Variants in IPO4 observed in about 807,000 individuals in gnomAD.
IPO4 encodes importin-4.
IPO4 carries 91 observed loss-of-function variants against 133.5 expected under a neutral mutation model. That is an observed-to-expected ratio of 0.68 (90% confidence interval 0.58 to 0.81). The LOEUF (loss-of-function observed/expected upper bound fraction) is 0.81. Ranked by LOEUF, IPO4 falls within the 30% of genes least tolerant of loss-of-function variation. IPO4 has a pLI of 0.00. For synonymous variants in IPO4, 607 were observed against 581.6 expected (o/e 1.04, Z -0.63); for missense variants, 1,279 against 1,386.2 (o/e 0.92, Z 1.23).
intron 11 of IPO4, 21 bp from the exon 12 acceptor site, chr14:24,185,991 C>T (rs143210192): frequency 1.2e-6 from 2 of 1,609,222 alleles, no homozygotes; most frequent in African/African-American, 2.7e-5. Flanking sequence ...ATGTGGCACG[C>T]TTCTGAAACC....
At chr14:24,181,466 A>T in intron 28 of IPO4, 47 bp downstream of exon 28, 1 of 1,469,140 alleles carries the variant, frequency 6.8e-7, no homozygotes, top group South Asian at 1.2e-5. Context: ...CCTATCACTG[A>T]GTGGAGCGGC....
intron 28 of IPO4, 115 bp downstream of exon 28, chr14:24,181,398 A>T: frequency 1.3e-6 from 1 of 764,324 alleles, no homozygotes; most frequent in Non-Finnish European, 2.2e-6. Flanking sequence ...TGAAACTGTC[A>T]CCTTGCATCA....
intron 7 of IPO4, 23 bp from the exon 8 acceptor site, chr14:24,187,002 G>C (rs763403385): frequency 1.9e-6 from 3 of 1,613,110 alleles, no homozygotes; most frequent in Non-Finnish European, 2.5e-6. Context: ...CAAGGCACAA[G>C]GTTACCATGC....
intron 17 of IPO4, 70 bp downstream of exon 17, chr14:24,184,228 T>TTCCAGTGGG: frequency 1.9e-6 from 3 of 1,558,320 alleles, no homozygotes; most frequent in Non-Finnish European, 2.6e-6. Context: ...GGGGTGGGGA[T>TTCCAGTGGG]TCCAGTGGGT....
Position 24,182,853 on chromosome 14 carries a change from T to C in IPO4, c.2422-11A>G, listed in dbSNP as rs200962720. On this transcript the variant is annotated splice_polypyrimidine_tract_variant and intron_variant, in intron 23 of 29. Transcript: ENST00000354464. ...ATCCTGACAGGCTGTCTACAAGAAG[T>C]AGCTCAACTTAGCGGAGCTTTCACG... 4.5e-5 allele frequency: 73 copies of C among 1,614,040 alleles called. 1 individual carries two copies. In the African/African-American group the frequency reaches 5.5e-4, roughly 12 times the overall value.
intron 28 of IPO4, among the ~76,000 whole-genome samples, chr14:24,181,073 C>T (rs535616108): frequency 5.3e-5 from 8 of 152,338 alleles, no homozygotes; most frequent in African/African-American, 1.9e-4. Flanking sequence ...GACACAAACA[C>T]TCTGACATGA....
Position 24,187,351 on chromosome 14 carries a change from T to C in IPO4, c.588+49A>G, listed in dbSNP as rs762033062. 1.4e-5 allele frequency: 22 copies of C among 1,596,094 alleles called. No homozygotes were observed. The South Asian group carries it at 1.8e-4, about 13-fold the overall frequency. On this transcript the variant is annotated intron_variant, in intron 6 of 29. Coordinates refer to ENST00000354464, the MANE Select transcript of IPO4 (RefSeq NM_024658.4). ...TTTGTAACTTTTACGGGTGAGGACATGAAGGCATGAGGAAAGGGAGTCAAA... is the reference window on the plus strand; with the variant it reads ...TTTGTAACTTTTACGGGTGAGGACACGAAGGCATGAGGAAAGGGAGTCAAA...
chr14:24,180,919 T>TGAA (rs1307301889), intron 28 of IPO4, among the ~76,000 whole-genome samples, 161 bp from the exon 29 acceptor site: 1 of 152,100 alleles, frequency 6.6e-6, no homozygotes, highest in East Asian at 1.9e-4. Flanking sequence ...GAAGAACCAA[T>TGAA]GAAACTTGGT....
At position 24,188,546 on chromosome 14, in the gene IPO4, T is replaced by G. The variant is rs1594445842; in HGVS notation, c.156+6A>C. On this transcript the variant is annotated splice_donor_region_variant and intron_variant, in intron 2 of 29. Transcript: ENST00000354464. ...GAAGCTCGGAGGGGAGAGTCAGGGG[T>G]CTCACCTGGGGGTCGGCCGCCGAGG... 6.2e-7 allele frequency: 1 copy of G among 1,610,688 alleles called. No homozygotes were observed.
intron 9 of IPO4, 72 bp downstream of exon 9, chr14:24,186,636 C>A: frequency 6.9e-7 from 1 of 1,459,632 alleles, no homozygotes. Flanking sequence ...TGAGATGGAC[C>A]GAAAGCCCCA....
chr14:24,188,069 A>C (rs1223969653), intron 4 of IPO4, 147 bp downstream of exon 4: 1 of 877,962 alleles, frequency 1.1e-6, no homozygotes, highest in African/African-American at 1.7e-5. Context: ...CAAGAACTTT[A>C]GTCTTCAAAA....
chr14:24,180,766 G>A lies in IPO4; in HGVS notation c.3046-8C>T. 1 of 1,613,288 alleles carries A rather than the reference G, an allele frequency of 6.2e-7. No individual in the cohort carries two copies. Among genetic ancestry groups the A allele is most frequent in the Non-Finnish European group, 8.5e-7 (1 of 1,179,764 alleles). ...GGGAGCCACATCTATAACCTGTGAG[G>A]AAAGAGTGGCTGACTCAGGGCAGCA... On this transcript the variant is annotated splice_region_variant and splice_polypyrimidine_tract_variant and intron_variant, in intron 28 of 29. Coordinates refer to ENST00000354464, the MANE Select transcript of IPO4 (RefSeq NM_024658.4).
chr14:24,183,383 T>C (rs1440931541), intron 21 of IPO4, 28 bp from the exon 22 acceptor site: 2 of 1,596,222 alleles, frequency 1.3e-6, no homozygotes, highest in Non-Finnish European at 1.7e-6. Flanking sequence ...GCGGGATATG[T>C]CTGCTATGTG....
chr14:24,187,244 A>G, intron 6 of IPO4, 94 bp from the exon 7 acceptor site: 1 of 1,495,918 alleles, frequency 6.7e-7, no homozygotes, highest in Non-Finnish European at 9.3e-7. Flanking sequence ...GGAGGAGCCC[A>G]GGCATAACAG....
Position 24,185,200 on chromosome 14 carries a change from T to A in IPO4, c.1391A>T (p.Asn464Ile). 1 of 1,614,034 alleles carries A rather than the reference T, an allele frequency of 6.2e-7. No homozygotes were observed. The highest frequency in any genetic ancestry group is 1.3e-5 in the African/African-American group (1 of 75,028). Residue 464 changes from asparagine (N) to isoleucine (I), a missense_variant, in exon 14 of 30, where the codon AAT becomes ATT. Asn to Ile is a moderately radical substitution (Grantham distance 149). This residue lies in a region of IPO4 where 695 missense variants were observed against 704.1 expected (regional missense o/e 0.99). Coordinates refer to ENST00000354464, the MANE Select transcript of IPO4 (RefSeq NM_024658.4). ...HLAKACYALE[N>I]FVENLGPKVQ... is the part of the protein sequence containing the mutation. ...ATCACTACCTAGGTTCTCCACAAAA[T>A]TCTCCAGGGCATAGCAGGCCTTGGC...
At chr14:24,183,972 G>GGGGCCCCCCCCCCCC in intron 18 of IPO4, 26 bp downstream of exon 18, 6 of 1,573,162 alleles carry the variant, frequency 3.8e-6, no homozygotes, top group Non-Finnish European at 5.2e-6. Context: ...GGCAGGCCTG[G>GGGGCCCCCCCCCCCC]CCCAGCCCAC....
chr14:24,185,693 C>T, intron 12 of IPO4, 126 bp from the exon 13 acceptor site: 1 of 987,166 alleles, frequency 1.0e-6, no homozygotes, highest in Non-Finnish European at 1.6e-6. Flanking sequence ...GGGCAGCAGC[C>T]CCTGGTCCCT....
In IPO4 at chr14:24,180,586, G is replaced by C; in HGVS notation, c.3116-14C>G. 2 of 1,613,014 alleles carry C rather than the reference G, an allele frequency of 1.2e-6. No homozygotes were observed. The highest frequency in any genetic ancestry group is 8.5e-7 in the Non-Finnish European group (1 of 1,179,052). On this transcript the variant is annotated splice_polypyrimidine_tract_variant and intron_variant, in intron 29 of 29. Coordinates refer to ENST00000354464, the MANE Select transcript of IPO4 (RefSeq NM_024658.4). ...CGGCCTTGGTGTCTGGGTGGAGAGG[G>C]AGGGAGAAAGGTCGGGGCTCCTAAA...
intron 23 of IPO4, 62 bp from the exon 24 acceptor site, chr14:24,182,904 G>A: frequency 6.2e-7 from 1 of 1,612,698 alleles, no homozygotes; most frequent in Non-Finnish European, 8.5e-7. Flanking sequence ...TGGGGGTAGG[G>A]GGTGGACTTG....
Sources: allele counts gnomAD v4.1 joint callset (sites outside exome capture counted in the v4.1 genomes callset), GRCh38; gene constraint gnomAD v4.1.1; regional missense constraint gnomAD v4.1.1; transcripts MANE v1.5; gene names NCBI Gene and HGNC (gene_info 2026-07-23, HGNC 2026-07-21).